Variants in SYNPR observed in about 807,000 individuals in gnomAD.
SYNPR encodes the protein synaptoporin.
SYNPR carries 23 observed loss-of-function variants against 32.9 expected under a neutral mutation model. That is an observed-to-expected ratio of 0.70 (90% confidence interval 0.50 to 0.99). SYNPR has a LOEUF of 0.99. SYNPR is among the 50% of genes least tolerant of loss of function. SYNPR has a pLI of 0.00. For missense variants in SYNPR, 318 were observed against 349.3 expected, an observed-to-expected ratio of 0.91 and a Z score of 0.71; for synonymous variants, 146 against 135.9, an observed-to-expected ratio of 1.07 and a Z score of -0.52.
intron 2 of SYNPR, among the ~76,000 whole-genome samples, chr3:63,466,410 T>C (rs1700679813): frequency 6.6e-6 from 1 of 152,062 alleles, no homozygotes; most frequent in Non-Finnish European, 1.5e-5. Context: ...ATATTCCCTA[T>C]AAATTTACTG....
chr3:63,354,519 G>T (rs2087549705), intron 2 of SYNPR, among the ~76,000 whole-genome samples: 1 of 152,190 alleles, frequency 6.6e-6, no homozygotes, highest in South Asian at 2.1e-4. Context: ...TGATGGCAAA[G>T]ACATAACAAG....
At chr3:63,235,389 G>A (rs1406640590) in intron 1 of SYNPR, among the ~76,000 whole-genome samples, 1 of 152,160 alleles carries the variant, frequency 6.6e-6, no homozygotes, top group African/African-American at 2.4e-5. Context: ...AAGAGAACTT[G>A]AATTTACTAG....
chr3:63,433,143 TAA>T (rs1700022555), intron 2 of SYNPR, among the ~76,000 whole-genome samples: 1 of 152,204 alleles, frequency 6.6e-6, no homozygotes, highest in Non-Finnish European at 1.5e-5. Flanking sequence ...GAATAGGGTC[TAA>T]GGCTGACTTT....
intron 2 of SYNPR, among the ~76,000 whole-genome samples, chr3:63,347,923 A>G (rs2087458693): frequency 6.8e-6 from 1 of 147,978 alleles, no homozygotes; most frequent in African/African-American, 2.5e-5. Flanking sequence ...GTGTGTATGT[A>G]TATATCACAT....
At chr3:63,315,639 A>T (rs902674500) in intron 2 of SYNPR, among the ~76,000 whole-genome samples, 11 of 151,868 alleles carry the variant, frequency 7.2e-5, no homozygotes, top group Admixed American at 3.9e-4. Context: ...AGCTTTCTGG[A>T]GGAGTCCTTA....
chr3:63,224,382 T>C (rs940494366), upstream of SYNPR, among the ~76,000 whole-genome samples: 1 of 152,086 alleles, frequency 6.6e-6, no homozygotes, highest in African/African-American at 2.4e-5. Flanking sequence ...CATGGAAAAA[T>C]TGTCTTCTGT....
intron 4 of SYNPR, among the ~76,000 whole-genome samples, chr3:63,564,174 G>C (rs1485961933): frequency 6.7e-6 from 1 of 150,182 alleles, no homozygotes; most frequent in Non-Finnish European, 1.5e-5. Flanking sequence ...TGTGGGGTGG[G>C]TGGGGTGTGT....
intron 3 of SYNPR, among the ~76,000 whole-genome samples, chr3:63,552,009 T>C (rs1983108): frequency 0.052 from 7,883 of 152,010 alleles, 644 homozygotes; most frequent in African/African-American, 0.17. Flanking sequence ...GTGATTCTCC[T>C]GCCTCAGCCT....
intron 2 of SYNPR, among the ~76,000 whole-genome samples, chr3:63,378,925 G>C (rs901965270): frequency 6.6e-6 from 1 of 151,992 alleles, no homozygotes; most frequent in African/African-American, 2.4e-5. Flanking sequence ...TAAGTGGTTT[G>C]TATTATAAGT....
chr3:63,537,680 A>G (rs927165114), intron 3 of SYNPR, among the ~76,000 whole-genome samples: 8 of 152,184 alleles, frequency 5.3e-5, no homozygotes, highest in African/African-American at 7.2e-5. Context: ...GTCAGGATAT[A>G]TTCTAATCAC....
chr3:63,367,653 T>A (rs953728630), intron 2 of SYNPR, among the ~76,000 whole-genome samples: 1 of 152,164 alleles, frequency 6.6e-6, no homozygotes, highest in Non-Finnish European at 1.5e-5. Flanking sequence ...AGCTATTGCA[T>A]CTGGCCTTGA....
rs556319111 is a variant in SYNPR at position 63,446,133 on chromosome 3, A to G, written c.85-34699A>G. The stretch of plus-strand genomic sequence containing the variant: ...ACCTTCAGTCTTTTGGACATAGTCA[A>G]AATAAAGATGCGATGACAGCTTAGA... On this transcript the variant is annotated intron_variant, in intron 2 of 5. Transcript: ENST00000478300. Among the ~76,000 whole-genome samples the G allele has an allele frequency of 3.3e-5, 5 of 152,322 alleles. No homozygotes were observed. The East Asian group carries it at 9.7e-4, about 29-fold the overall frequency.
At chr3:63,255,520 T>A (rs1223621653) in intron 2 of SYNPR, among the ~76,000 whole-genome samples, 1 of 152,214 alleles carries the variant, frequency 6.6e-6, no homozygotes, top group Non-Finnish European at 1.5e-5. Flanking sequence ...TTTCACTTTT[T>A]AGATGGGCAA....
At chr3:63,244,325 C>T (rs889754441) in intron 1 of SYNPR, among the ~76,000 whole-genome samples, 2 of 152,068 alleles carry the variant, frequency 1.3e-5, no homozygotes, top group Non-Finnish European at 2.9e-5. Flanking sequence ...CTTAGCTAAA[C>T]CCATCTGGAA....
At chr3:63,238,856 CG>C (rs2086217302) in intron 1 of SYNPR, among the ~76,000 whole-genome samples, 1 of 151,966 alleles carries the variant, frequency 6.6e-6, no homozygotes, top group African/African-American at 2.4e-5. Context: ...TAGGGTAATT[CG>C]GTATAACTGT....
intron 2 of SYNPR, among the ~76,000 whole-genome samples, chr3:63,382,160 G>A (rs931416677): frequency 3.9e-5 from 6 of 152,182 alleles, no homozygotes; most frequent in African/African-American, 1.4e-4. Flanking sequence ...ACTGTACTAG[G>A]TTTCCACTGA....
intron 4 of SYNPR, among the ~76,000 whole-genome samples, chr3:63,591,027 A>G (rs1220487664): frequency 6.8e-6 from 1 of 147,618 alleles, no homozygotes; most frequent in Non-Finnish European, 1.5e-5. Flanking sequence ...GCAACCTACA[A>G]CATGGGAGAA....
chr3:63,405,193 A>G (rs1420777571), intron 2 of SYNPR, among the ~76,000 whole-genome samples: 1 of 152,150 alleles, frequency 6.6e-6, no homozygotes, highest in African/African-American at 2.4e-5. Context: ...AACAAGGTAG[A>G]CTCAATTTCT....
At chr3:63,425,693 C>T (rs527564172) in intron 2 of SYNPR, among the ~76,000 whole-genome samples, 4 of 152,006 alleles carry the variant, frequency 2.6e-5, no homozygotes, top group East Asian at 1.9e-4. Context: ...CTCTCTGAAC[C>T]GCAGTATTCA....
Sources: allele counts gnomAD v4.1 joint callset (sites outside exome capture counted in the v4.1 genomes callset), GRCh38; gene constraint gnomAD v4.1.1; transcripts MANE v1.5; gene names NCBI Gene and HGNC (gene_info 2026-07-23, HGNC 2026-07-21).